NEK9: variants seen among roughly 807,000 people sequenced by gnomAD.
NEK9 encodes NIMA related kinase 9, also known as serine/threonine-protein kinase Nek9.
In NEK9, 75 loss-of-function variants were observed where a neutral mutation model predicts 123.4. The ratio of observed to expected loss-of-function variants is 0.61; its 90% CI spans 0.50 to 0.74. The LOEUF is 0.74. Among genes scored for constraint, NEK9 ranks in the 30% least tolerant of loss-of-function variants. NEK9 has a pLI of 0.00. For synonymous variants in NEK9, 438 were observed against 458.7 expected, an observed-to-expected ratio of 0.95 and a Z score of 0.58; for missense variants, 952 against 1,214.4, an observed-to-expected ratio of 0.78 and a Z score of 3.21.
At chr14:75,093,866 G>C (rs1438699628) in intron 18 of NEK9, among the ~76,000 whole-genome samples, 2 of 152,134 alleles carry the variant, frequency 1.3e-5, no homozygotes. Flanking sequence ...TCCAATGGAT[G>C]GTTATAACGC....
Position 75,126,936 on chromosome 14 carries a change from G to T in NEK9, c.-15C>A, listed in dbSNP as rs1428180515. On this transcript the variant is annotated 5_prime_UTR_variant, in exon 1 of 22. Transcript: ENST00000238616. Reference sequence around the variant, plus strand: ...AGCACCGACATGGCGGCGGCCGCGGGCCTTGGGGACCAGCCTGCGTATGCC... The same window carrying T: ...AGCACCGACATGGCGGCGGCCGCGGTCCTTGGGGACCAGCCTGCGTATGCC... The T allele has an allele frequency of 4.8e-6, 7 of 1,451,522 alleles. No homozygotes were observed. The highest frequency in any genetic ancestry group is 6.4e-6 in the Non-Finnish European group (7 of 1,095,552). 89.9% of individuals were successfully genotyped at this position (1,451,522 alleles called of 1,614,324 possible). A position where few individuals can be genotyped will look rare whatever the true frequency, so the allele number is the denominator to read the frequency against.
intron 2 of NEK9, among the ~76,000 whole-genome samples, chr14:75,121,479 A>G (rs1895331957): frequency 6.6e-6 from 1 of 152,280 alleles, no homozygotes; most frequent in Non-Finnish European, 1.5e-5. Context: ...ATTCAAAATC[A>G]GATTTCTTTT....
chr14:75,101,800 G>A (rs1259562046), intron 14 of NEK9, 35 bp from the exon 15 acceptor site: 4 of 1,479,418 alleles, frequency 2.7e-6, no homozygotes, highest in Non-Finnish European at 3.8e-6. Context: ...AGATGCATGA[G>A]GTAAGAAAAT....
chr14:75,084,552 A>G lies in NEK9; in HGVS notation c.*12T>C, dbSNP rs374385404. 354 of 1,613,960 alleles carry G rather than the reference A, an allele frequency of 2.2e-4. No homozygotes were observed. The African/African-American group carries it at 4.1e-3, about 18-fold the overall frequency. On this transcript the variant is annotated 3_prime_UTR_variant, in exon 22 of 22. Coordinates refer to ENST00000238616, the MANE Select transcript of NEK9 (RefSeq NM_033116.6). ...GGTCCCAGTCTCCTGGGGGCTCTAC[A>G]GGCTCAGGAGACTAGAGGCTGGGTC... is the stretch of plus-strand genomic sequence containing the variant.
In NEK9 at chr14:75,126,788, G is replaced by A. The variant is rs751784027; in HGVS notation, c.134C>T (p.Ala45Val). The A allele has an allele frequency of 1.2e-5, 19 of 1,530,714 alleles. No homozygotes were observed. In the East Asian group the frequency reaches 2.4e-4, roughly 19 times the overall value. 94.8% of individuals were successfully genotyped at this position (1,530,714 alleles called of 1,614,324 possible). The change falls in exon 1 of 22, where the codon GCG (alanine) becomes GTG (valine). Residue 45 changes from alanine to valine, a missense_variant. Physicochemically the swap from Ala to Val is moderately conservative, Grantham distance 64 (BLOSUM62 0). This residue lies in a region of NEK9 where 120 missense variants were observed against 97.6 expected (regional missense o/e 1.23). Coordinates refer to ENST00000238616, the MANE Select transcript of NEK9 (RefSeq NM_033116.6). Reference protein sequence around the residue: ...SQGPRAGGGAAEQEELHYIPI... With the variant: ...SQGPRAGGGAVEQEELHYIPI... The stretch of plus-strand genomic sequence containing the variant: ...GATGTAGTGCAGTTCCTCCTGCTCC[G>A]CCGCGCCGCCGCCGGCTCGCGGCCC...
At chr14:75,114,417 G>A in intron 6 of NEK9, 104 bp from the exon 7 acceptor site, 1 of 873,034 alleles carries the variant, frequency 1.1e-6, no homozygotes, top group Non-Finnish European at 1.9e-6. Context: ...TAAAGAATTG[G>A]CAATAGGTCT....
intron 19 of NEK9, among the ~76,000 whole-genome samples, chr14:75,089,676 C>T (rs1388223429): frequency 2.0e-5 from 3 of 151,744 alleles, no homozygotes; most frequent in African/African-American, 4.8e-5. Flanking sequence ...GCTGGGATTA[C>T]AGGTGCGTGC....
chr14:75,115,126 C>CAT (rs1555353599), intron 6 of NEK9, among the ~76,000 whole-genome samples: 1 of 150,722 alleles, frequency 6.6e-6, no homozygotes, highest in Non-Finnish European at 1.5e-5. Context: ...CACACACACA[C>CAT]ATTTCTTAAG....
At chr14:75,097,314 C>A in intron 16 of NEK9, 44 bp from the exon 17 acceptor site, 1 of 1,478,720 alleles carries the variant, frequency 6.8e-7, no homozygotes, top group Non-Finnish European at 9.1e-7. Context: ...AGAACACTGG[C>A]TTCCCAATTC....
intron 6 of NEK9, among the ~76,000 whole-genome samples, chr14:75,115,109 G>GTACATATA (rs1895094915): frequency 2.8e-5 from 1 of 36,292 alleles, no homozygotes; most frequent in Non-Finnish European, 6.0e-5. Flanking sequence ...GCACACGTGT[G>GTACATATA]TGCGTACACA....
At position 75,126,894 on chromosome 14, in the gene NEK9, G is replaced by T; in HGVS notation, c.28C>A (p.His10Asn). The T allele has an allele frequency of 6.6e-7, 1 of 1,520,702 alleles. No individual in the cohort carries two copies. The highest frequency in any genetic ancestry group is 8.8e-7 in the Non-Finnish European group (1 of 1,133,042). The allele number at this position is 1,520,702 out of a possible 1,614,324, so 94.2% of individuals were successfully genotyped here. The change falls in exon 1 of 22, where the codon CAC (histidine) becomes AAC (asparagine). Residue 10 changes from histidine to asparagine, a missense_variant. By Grantham distance (68) the His-to-Asn change is moderately conservative. Around this residue, in one of 4 missense-constraint regions of NEK9, gnomAD observed 120 missense variants for 97.6 expected, o/e 1.23. Coordinates refer to ENST00000238616, the MANE Select transcript of NEK9 (RefSeq NM_033116.6). ...AAGTCCGAGTTGATGGAATCGCAGT[G>T]TCGCTCGTACTCGCCCAGCACCGAC... MSVLGEYER[H>N]CDSINSDFGS...
chr14:75,113,556 A>G (rs543237724), intron 7 of NEK9, among the ~76,000 whole-genome samples, 153 bp from the exon 8 acceptor site: 1 of 152,364 alleles, frequency 6.6e-6, no homozygotes, highest in South Asian at 2.1e-4. Flanking sequence ...TCACCTCATT[A>G]TAATCAACAC....
Position 75,106,592 on chromosome 14 carries a change from T to C in NEK9, c.1438A>G (p.Asn480Asp), listed in dbSNP as rs1894784947. ...EPMQLNFFLS[N>D]PVEQVSCGDN... Reference sequence around the variant, plus strand: ...CCACAGGAGACCTGCTCCACTGGATTGCTGAGGAAGAAGTTCAGCTGCATG... The same window carrying C: ...CCACAGGAGACCTGCTCCACTGGATCGCTGAGGAAGAAGTTCAGCTGCATG... Residue 480 changes from asparagine to aspartate, a missense_variant, in exon 12 of 22, where the codon AAT becomes GAT. Physicochemically the swap from Asn to Asp is conservative, Grantham distance 23 (BLOSUM62 1). Coordinates refer to ENST00000238616, the MANE Select transcript of NEK9 (RefSeq NM_033116.6). 1 of 1,614,104 alleles carries C rather than the reference T, an allele frequency of 6.2e-7. No homozygotes were observed. Among genetic ancestry groups the C allele is most frequent in the Non-Finnish European group, 8.5e-7 (1 of 1,180,018 alleles).
chr14:75,112,786 A>G (rs1431646553), intron 8 of NEK9, among the ~76,000 whole-genome samples: 1 of 152,184 alleles, frequency 6.6e-6, no homozygotes, highest in Non-Finnish European at 1.5e-5. Context: ...GTGCCACTGC[A>G]CTCTAGCCTG....
intron 14 of NEK9, among the ~76,000 whole-genome samples, chr14:75,102,839 CA>C (rs1319954608): frequency 6.6e-6 from 1 of 151,992 alleles, no homozygotes; most frequent in Non-Finnish European, 1.5e-5. Flanking sequence ...TATATTAACA[CA>C]AAAAGGAAAC....
chr14:75,117,012 C>T (rs781030889), intron 6 of NEK9, among the ~76,000 whole-genome samples, 183 bp downstream of exon 6: 3 of 152,168 alleles, frequency 2.0e-5, no homozygotes, highest in Non-Finnish European at 4.4e-5. Context: ...GCTGGGATTA[C>T]AGGCGTGAGC....
At chr14:75,108,189 A>C (rs559367691) in intron 10 of NEK9, among the ~76,000 whole-genome samples, 1 of 150,666 alleles carries the variant, frequency 6.6e-6, no homozygotes, top group East Asian at 2.0e-4. Flanking sequence ...CAGTGGCTCG[A>C]TCTCAGCTCA....
chr14:75,108,530 T>C (rs4026180), intron 10 of NEK9, among the ~76,000 whole-genome samples: 2 of 54,348 alleles, frequency 3.7e-5, no homozygotes, highest in Admixed American at 1.5e-4. Context: ...TGTGTGTGTG[T>C]GTGTGTGTGT....
intron 16 of NEK9, among the ~76,000 whole-genome samples, chr14:75,099,001 A>G (rs1409475011): frequency 6.6e-6 from 1 of 152,208 alleles, no homozygotes; most frequent in Admixed American, 6.5e-5. Context: ...ACAAGCAGAG[A>G]GAGTTAATGT....
Sources: allele counts gnomAD v4.1 joint callset (sites outside exome capture counted in the v4.1 genomes callset), GRCh38; gene constraint gnomAD v4.1.1; regional missense constraint gnomAD v4.1.1; transcripts MANE v1.5; gene names NCBI Gene and HGNC (gene_info 2026-07-23, HGNC 2026-07-21).